Variants in CASP8 observed in about 807,000 individuals in gnomAD.
The protein encoded by CASP8 is caspase 8, also known as caspase-8.
In CASP8, 24 loss-of-function variants were observed where a neutral mutation model predicts 46.3. The ratio of observed to expected loss-of-function variants is 0.52; its 90% CI spans 0.38 to 0.73. The LOEUF (loss-of-function observed/expected upper bound fraction) is 0.73. CASP8 is among the 30% of genes least tolerant of loss of function. The pLI is 0.00. For synonymous variants in CASP8, 188 were observed against 200.4 expected (o/e 0.94, Z 0.52); for missense variants, 460 against 559.0 (o/e 0.82, Z 1.79).
chr2:201,249,818 ACATCTTG>A (rs1353171712), intron 2 of CASP8, among the ~76,000 whole-genome samples: 5 of 152,186 alleles, frequency 3.3e-5, no homozygotes, highest in Non-Finnish European at 7.3e-5. Context: ...CCCGTTATTA[ACATCTTG>A]CATTAGTGTG....
At position 201,272,878 on chromosome 2, in the gene CASP8, G is replaced by A; in HGVS notation, c.551-20G>A. The A allele has an allele frequency of 6.2e-7, 1 of 1,614,010 alleles. No homozygotes were observed. Among genetic ancestry groups the A allele is most frequent in the Non-Finnish European group, 8.5e-7 (1 of 1,179,922 alleles). On this transcript the variant is annotated intron_variant, in intron 4 of 8. Transcript: ENST00000673742. This position sits in a 1 kb window ranked among gnomAD's most constrained non-coding sequence, Gnocchi z 4.4. ...TTGTTTCTAATCAAATATTGTTTGG[G>A]GTTTCCCCTTTTAATTCAGAGAGAA...
rs1397929059 is a variant in CASP8 at position 201,282,558 on chromosome 2, GC to G, written c.803-2257del. 3.8e-5 allele frequency among the ~76,000 whole-genome samples: 4 copies of G among 106,278 alleles called. No individual in the cohort carries two copies. The East Asian group carries it at 1.2e-3, about 31-fold the overall frequency. The allele number at this position is 106,278 out of a possible 152,430, so 69.7% of individuals were successfully genotyped here. A position where few individuals can be genotyped will look rare whatever the true frequency, so the allele number is the denominator to read the frequency against. On this transcript the variant is annotated intron_variant, in intron 7 of 8. Transcript: ENST00000673742. ...CCTCCCAGATGGGGCGGCTGGCCGG[GC>G]GGGGGGCTGACCCCCCCACCGCCCT...
upstream of CASP8, among the ~76,000 whole-genome samples, chr2:201,257,543 A>C (rs1316404215): frequency 6.6e-6 from 1 of 151,840 alleles, no homozygotes; most frequent in African/African-American, 2.4e-5. Flanking sequence ...TGGAGAACAG[A>C]CCTCAGTAGC....
At chr2:201,239,194 A>G (rs191130908) in intron 2 of CASP8, among the ~76,000 whole-genome samples, 127 of 152,322 alleles carry the variant, frequency 8.3e-4, no homozygotes, top group South Asian at 3.7e-3. Context: ...GCAACCATCC[A>G]ATTTCTCAAT....
At chr2:201,267,359 G>A (rs1041732742) in intron 2 of CASP8, among the ~76,000 whole-genome samples, 23 of 152,016 alleles carry the variant, frequency 1.5e-4, no homozygotes, top group African/African-American at 5.6e-4. Flanking sequence ...TGAGATTTAA[G>A]GGTTTTCTGC....
intron 3 of CASP8, 116 bp downstream of exon 3, chr2:201,271,737 C>T (rs1948261003): frequency 2.7e-6 from 2 of 727,372 alleles, no homozygotes; most frequent in South Asian, 1.5e-5. Flanking sequence ...CACTTTTTAA[C>T]TAGAAGAAGA....
chr2:201,247,643 T>A (rs1164661722), intron 2 of CASP8, among the ~76,000 whole-genome samples: 1 of 151,218 alleles, frequency 6.6e-6, no homozygotes, highest in African/African-American at 2.4e-5. Flanking sequence ...CATTCCTGGC[T>A]AATTCTTGTA....
rs2125251241 is a variant in CASP8 at position 201,272,567 on chromosome 2, A to T, written c.412-71A>T. The T allele has an allele frequency of 6.4e-7, 1 of 1,552,000 alleles. No homozygotes were observed. The highest frequency in any genetic ancestry group is 1.1e-5 in the South Asian group (1 of 87,072). On this transcript the variant is annotated intron_variant, in intron 3 of 8. Transcript: ENST00000673742. The surrounding 1 kb of genome is among the most constrained non-coding windows in gnomAD (Gnocchi z 4.4). ...CCTTGGTTGGAGAAATTGGAAATTA[A>T]AAAAAAAAATCTAATCTAAAAACCA...
intron 7 of CASP8, chr2:201,281,792 C>T (rs1367356520): frequency 2.3e-6 from 3 of 1,308,290 alleles, no homozygotes; most frequent in Non-Finnish European, 2.1e-6. Flanking sequence ...CTAGAGAAAA[C>T]AGACCAACAA....
chr2:201,257,577 A>G, upstream of CASP8, among the ~76,000 whole-genome samples: 1 of 152,114 alleles, frequency 6.6e-6, no homozygotes, highest in East Asian at 1.9e-4. Flanking sequence ...GATCAATGCT[A>G]CAAAGACACG....
intron 2 of CASP8, among the ~76,000 whole-genome samples, chr2:201,246,979 G>A (rs1405751666): frequency 6.6e-6 from 1 of 151,944 alleles, no homozygotes; most frequent in Non-Finnish European, 1.5e-5. Context: ...GGTGGATCAC[G>A]AGATCAGGAG....
At chr2:201,281,683 G>A (rs898073026) in intron 7 of CASP8, 3 of 397,306 alleles carry the variant, frequency 7.6e-6, no homozygotes, top group Non-Finnish European at 1.4e-5. Flanking sequence ...TTCAAAAATT[G>A]TTTTGTTTTT....
At chr2:201,238,549 C>T (rs1484984714) in intron 2 of CASP8, among the ~76,000 whole-genome samples, 1 of 151,940 alleles carries the variant, frequency 6.6e-6, no homozygotes, top group African/African-American at 2.4e-5. Context: ...TCAAGCAATT[C>T]TCCTGCCTCA....
intron 7 of CASP8, among the ~76,000 whole-genome samples, chr2:201,282,844 C>T (rs1423358584): frequency 2.6e-5 from 2 of 77,762 alleles, no homozygotes; most frequent in East Asian, 4.4e-4. Flanking sequence ...CCCTCCCGGA[C>T]GGGGCGGCTG....
At chr2:201,277,760 G>T (rs1485285681) in intron 7 of CASP8, 3 of 417,986 alleles carry the variant, frequency 7.2e-6, no homozygotes, top group Non-Finnish European at 1.4e-5. Context: ...GAGTGCAGTG[G>T]TGTGATCTCA....
At chr2:201,249,266 T>A (rs889623755) in intron 2 of CASP8, among the ~76,000 whole-genome samples, 7 of 152,352 alleles carry the variant, frequency 4.6e-5, no homozygotes, top group Admixed American at 3.9e-4. Context: ...AAATCAAGGC[T>A]CATTTTATTT....
At position 201,239,283 on chromosome 2, in the gene CASP8, T is replaced by C. The variant is rs1428270282; in HGVS notation, c.-27+5171T>C. 3.3e-5 allele frequency among the ~76,000 whole-genome samples: 5 copies of C among 152,248 alleles called. No homozygotes were observed. The East Asian group carries it at 5.8e-4, about 18-fold the overall frequency. ...GGCCCGTTCTCAATGAGCTGCTGGG[T>C]ACACCTCCCAGACGGGGTGGTGGCC... On this transcript the variant is annotated intron_variant, in intron 2 of 6. Coordinates refer to the CASP8 transcript ENST00000264274.
chr2:201,284,159 A>T, intron 7 of CASP8, among the ~76,000 whole-genome samples: 1 of 10,464 alleles, frequency 9.6e-5, no homozygotes, highest in African/African-American at 5.3e-4. Flanking sequence ...CCTAGATGGG[A>T]TGGCGGCCGG....
intron 6 of CASP8, among the ~76,000 whole-genome samples, chr2:201,276,022 G>A (rs1948608850): frequency 6.6e-6 from 1 of 152,104 alleles, no homozygotes. Flanking sequence ...TAAGATAACA[G>A]GTTATTTGCC....
Sources: allele counts gnomAD v4.1 joint callset (sites outside exome capture counted in the v4.1 genomes callset), GRCh38; gene constraint gnomAD v4.1.1; non-coding constraint Gnocchi (gnomAD v3.1); transcripts MANE v1.5; gene names NCBI Gene and HGNC (gene_info 2026-07-23, HGNC 2026-07-21).